PARVA: variants seen among roughly 807,000 people sequenced by gnomAD.
PARVA encodes alpha-parvin.
PARVA carries 25 observed loss-of-function variants against 52.6 expected under a neutral mutation model. That is an observed-to-expected ratio of 0.48 (90% confidence interval 0.35 to 0.66). The LOEUF (loss-of-function observed/expected upper bound fraction) is 0.66. PARVA is among the 30% of genes least tolerant of loss of function. PARVA has a pLI of 0.01. For missense variants in PARVA, 373 were observed against 450.9 expected (o/e 0.83, Z 1.56); for synonymous variants, 185 against 179.1 (o/e 1.03, Z -0.26).
intron 10 of PARVA, among the ~76,000 whole-genome samples, chr11:12,517,256 A>G (rs1182558542): frequency 6.6e-6 from 1 of 151,310 alleles, no homozygotes. Flanking sequence ...CCCCCACACC[A>G]GTTTCCCTAT....
rs182560290 is a variant in PARVA, at chr11:12,467,521, G to T, written c.137-6224G>T. 9.2e-4 allele frequency among the ~76,000 whole-genome samples: 140 copies of T among 152,154 alleles called. 1 individual carries two copies. The highest frequency in any genetic ancestry group is 3.7e-3 in the South Asian group (18 of 4,808). ...TTAGGCTGTAGGGTTTAATTTTTTT[G>T]TTGTTGTTGTTGTAGATGTTCTTTC... On this transcript the variant is annotated intron_variant, in intron 1 of 12. Transcript: ENST00000334956.
intron 1 of PARVA, among the ~76,000 whole-genome samples, chr11:12,400,006 G>A (rs947216805): frequency 1.3e-5 from 2 of 152,144 alleles, no homozygotes; most frequent in Non-Finnish European, 2.9e-5. Context: ...CTTGATAGAT[G>A]GCAGAAGGAT....
chr11:12,419,287 C>G (rs778808386), intron 1 of PARVA, among the ~76,000 whole-genome samples: 1 of 152,110 alleles, frequency 6.6e-6, no homozygotes, highest in African/African-American at 2.4e-5. Flanking sequence ...CCCCACCCCC[C>G]AGGCCCCAGC....
At chr11:12,389,382 T>C (rs145792920) in intron 1 of PARVA, among the ~76,000 whole-genome samples, 1,703 of 152,276 alleles carry the variant, frequency 0.011, 11 homozygotes, top group Non-Finnish European at 0.018. Context: ...TCTTCCCCTC[T>C]GAGCCCTCGC....
chr11:12,491,462 C>A (rs1455771901), intron 4 of PARVA, among the ~76,000 whole-genome samples: 1 of 152,124 alleles, frequency 6.6e-6, no homozygotes, highest in Non-Finnish European at 1.5e-5. Flanking sequence ...AGCCACCACG[C>A]CCAGCTGAGA....
At chr11:12,386,513 CTG>C (rs1208809014) in intron 1 of PARVA, among the ~76,000 whole-genome samples, 1 of 152,222 alleles carries the variant, frequency 6.6e-6, no homozygotes, top group Non-Finnish European at 1.5e-5. Flanking sequence ...TGTCTATACT[CTG>C]TGCTAGCACT....
intron 1 of PARVA, among the ~76,000 whole-genome samples, chr11:12,395,730 A>G (rs191542424): frequency 1.1e-3 from 170 of 152,044 alleles, no homozygotes; most frequent in Non-Finnish European, 1.8e-3. Context: ...GGCCAGGAGG[A>G]CCTCCCAATT....
chr11:12,429,465 T>C (rs747657555), intron 1 of PARVA, among the ~76,000 whole-genome samples: 2 of 152,236 alleles, frequency 1.3e-5, no homozygotes, highest in Non-Finnish European at 2.9e-5. Context: ...TTCACTGATA[T>C]AAAGGATGTA....
intron 1 of PARVA, among the ~76,000 whole-genome samples, chr11:12,433,673 GGTT>G (rs1205733637): frequency 2.0e-5 from 3 of 152,196 alleles, no homozygotes; most frequent in Non-Finnish European, 4.4e-5. Flanking sequence ...AGACCTTAGA[GGTT>G]GTTGTTTTAA....
chr11:12,419,403 G>C (rs371534965), intron 1 of PARVA, among the ~76,000 whole-genome samples: 56 of 151,974 alleles, frequency 3.7e-4, no homozygotes, highest in African/African-American at 1.3e-3. Context: ...ACTTCACTCA[G>C]TATAATGTCC....
chr11:12,512,509 T>G (rs1021527146), intron 8 of PARVA, among the ~76,000 whole-genome samples: 9 of 152,170 alleles, frequency 5.9e-5, no homozygotes, highest in African/African-American at 1.4e-4. Flanking sequence ...TCAGATCCCT[T>G]CCACTGTGTC....
intron 4 of PARVA, chr11:12,479,768 TA>T (rs1341241674): frequency 3.9e-5 from 6 of 152,260 alleles, no homozygotes; most frequent in Non-Finnish European, 7.3e-5. Flanking sequence ...TACATACATG[TA>T]AGTATATATA....
Position 12,377,704 on chromosome 11 carries a change from G to GC in PARVA, c.62dup (p.Ser22ValfsTer6). 6.4e-7 allele frequency: 1 copy of GC among 1,565,960 alleles called. No individual in the cohort carries two copies. On this transcript the variant is annotated frameshift_variant, in exon 1 of 13. Transcript: ENST00000334956. LOFTEE classifies it high-confidence loss of function. ...TCCCCAAGTCTCCCACTCCCAAGTC[G>GC]CCCCCGTCCCGCAAGAAAGATGATT... is the stretch of plus-strand genomic sequence containing the variant.
At chr11:12,496,340 T>TTGCAAGAGTGCATGCA (rs1941297583) in intron 4 of PARVA, 118 bp from the exon 5 acceptor site, 9 of 394,024 alleles carry the variant, frequency 2.3e-5, no homozygotes, top group Non-Finnish European at 3.4e-5. Context: ...GTATCTATTG[T>TTGCAAGAGTGCATGCA]TGCAAGAGTG....
intron 1 of PARVA, among the ~76,000 whole-genome samples, chr11:12,400,945 T>C (rs1022220907): frequency 6.6e-6 from 1 of 152,174 alleles, no homozygotes; most frequent in Non-Finnish European, 1.5e-5. Context: ...GGCTGGAGTC[T>C]GGCAATAAAT....
At chr11:12,527,820 A>G (rs1267729399) in intron 12 of PARVA, 29 bp from the exon 13 acceptor site, 1 of 1,565,988 alleles carries the variant, frequency 6.4e-7, no homozygotes, top group East Asian at 2.2e-5. Context: ...CCCCATGGAA[A>G]CAATTGGTGT....
intron 12 of PARVA, among the ~76,000 whole-genome samples, chr11:12,519,125 C>T (rs1222584514): frequency 6.6e-6 from 1 of 152,218 alleles, no homozygotes; most frequent in Non-Finnish European, 1.5e-5. Context: ...TGCTTTCTGC[C>T]CCTTACTGAC....
rs1408531582 is a variant in PARVA, at chr11:12,533,609, A to G, written c.*5684A>G. On this transcript the variant is annotated 3_prime_UTR_variant, in exon 13 of 13. Transcript: ENST00000334956. ...TTGACTCCCCCAAAACGTAACTATA[A>G]TACTAATAGCCTTACTGAACACGGT... is the stretch of plus-strand genomic sequence containing the variant. 6.6e-6 allele frequency among the ~76,000 whole-genome samples: 1 copy of G among 152,212 alleles called. No individual in the cohort carries two copies. Among genetic ancestry groups the G allele is most frequent in the Non-Finnish European group, 1.5e-5 (1 of 68,030 alleles).
chr11:12,497,574 G>A (rs1589980663), intron 5 of PARVA, among the ~76,000 whole-genome samples: 1 of 152,240 alleles, frequency 6.6e-6, no homozygotes, highest in East Asian at 1.9e-4. Context: ...GTGCCTCCTC[G>A]GCATAATTAC....
Sources: gnomAD v4.1 joint callset for allele counts (sites outside exome capture counted in the v4.1 genomes callset) on GRCh38, gnomAD v4.1.1 for gene constraint, MANE v1.5 for transcripts, NCBI Gene and HGNC (gene_info 2026-07-23, HGNC 2026-07-21) for gene names.